The following TMEM132D variants were observed in gnomAD, a reference collection of about 807,000 sequenced individuals.
TMEM132D encodes mature OL transmembrane protein.
In TMEM132D, 21 loss-of-function variants were observed where a neutral mutation model predicts 62.3. The ratio of observed to expected loss-of-function variants is 0.34; its 90% CI spans 0.24 to 0.49. The LOEUF is 0.49. Ranked by LOEUF, TMEM132D falls within the 20% of genes least tolerant of loss-of-function variation. TMEM132D has a pLI of 0.99. For synonymous variants in TMEM132D, 621 were observed against 575.6 expected (o/e 1.08, Z -1.13); for missense variants, 1,346 against 1,402.8 (o/e 0.96, Z 0.65).
At chr12:129,242,114 C>A (rs1319675123) in intron 4 of TMEM132D, among the ~76,000 whole-genome samples, 4 of 152,186 alleles carry the variant, frequency 2.6e-5, no homozygotes, top group Non-Finnish European at 5.9e-5. Context: ...AGTCCCTAAA[C>A]CATAATGCCC....
intron 3 of TMEM132D, among the ~76,000 whole-genome samples, chr12:129,355,286 T>C (rs1037710754): frequency 6.6e-6 from 1 of 151,848 alleles, no homozygotes; most frequent in Non-Finnish European, 1.5e-5. Context: ...AACCTACCTG[T>C]ATGCTTTTTT....
At position 129,074,526 on chromosome 12, in the gene TMEM132D, G is replaced by A. The variant is rs111502893; in HGVS notation, c.2649C>T (p.Ser883=). 544 of 1,614,068 alleles carry A rather than the reference G, an allele frequency of 3.4e-4. 1 individual carries two copies. Among genetic ancestry groups the A allele is most frequent in the East Asian group, 1.0e-3 (45 of 44,862 alleles). The change falls in exon 9 of 9, where the codon AGC becomes AGT. Residue 883 remains serine (S), a synonymous_variant. Coordinates refer to ENST00000422113, the MANE Select transcript of TMEM132D (RefSeq NM_133448.3). ...DDNSHLQTIP[S]DLTSFPAQVD... is the part of the protein sequence containing the mutation. ...CCTGGGCTGGGAAGCTGGTGAGGTC[G>A]CTGGGGATGGTCTGCAAGTGGCTGT...
chr12:129,150,054 G>A (rs891436398), intron 5 of TMEM132D, among the ~76,000 whole-genome samples: 9 of 152,248 alleles, frequency 5.9e-5, no homozygotes, highest in African/African-American at 2.2e-4. Flanking sequence ...GATGGCAGCA[G>A]GCAGAAGCTG....
chr12:129,661,694 C>T (rs1217160425), intron 2 of TMEM132D, among the ~76,000 whole-genome samples: 1 of 152,154 alleles, frequency 6.6e-6, no homozygotes, highest in African/African-American at 2.4e-5. Context: ...TCTCCACCTA[C>T]AAAAATACAA....
intron 3 of TMEM132D, among the ~76,000 whole-genome samples, chr12:129,398,315 G>T (rs1325588551): frequency 6.6e-6 from 1 of 152,146 alleles, no homozygotes. Flanking sequence ...TGTGAAGCTT[G>T]TCACTTCATG....
intron 3 of TMEM132D, among the ~76,000 whole-genome samples, chr12:129,427,908 C>T (rs988395149): frequency 2.1e-5 from 3 of 145,592 alleles, no homozygotes; most frequent in Admixed American, 6.7e-5. Flanking sequence ...TGAGTTGATC[C>T]GAAACACCTT....
chr12:129,841,175 T>C (rs1360960450), intron 1 of TMEM132D, among the ~76,000 whole-genome samples: 1 of 152,176 alleles, frequency 6.6e-6, no homozygotes, highest in Non-Finnish European at 1.5e-5. Context: ...TTCTACTTTT[T>C]TAAAGCCTCA....
At chr12:129,825,238 G>C (rs1354862415) in intron 1 of TMEM132D, among the ~76,000 whole-genome samples, 8 of 151,056 alleles carry the variant, frequency 5.3e-5, no homozygotes, top group Non-Finnish European at 1.2e-4. Flanking sequence ...GGCTGGTCTT[G>C]AACTCCTGAC....
intron 5 of TMEM132D, among the ~76,000 whole-genome samples, chr12:129,105,990 C>T (rs1276435985): frequency 6.6e-6 from 1 of 151,726 alleles, no homozygotes; most frequent in Admixed American, 6.6e-5. Context: ...TGGCACTATT[C>T]ACGATAGCAA....
chr12:129,746,249 AG>A (rs1428381425), intron 1 of TMEM132D, among the ~76,000 whole-genome samples: 5 of 152,224 alleles, frequency 3.3e-5, no homozygotes, highest in Admixed American at 3.3e-4. Context: ...AAGACCTGAC[AG>A]GTAAAGAGTC....
chr12:129,455,105 G>T (rs569292500), intron 3 of TMEM132D, among the ~76,000 whole-genome samples: 6 of 152,344 alleles, frequency 3.9e-5, no homozygotes, highest in Middle Eastern at 3.4e-3. Context: ...TGCTGATTCT[G>T]GAAGGGAAAC....
intron 3 of TMEM132D, among the ~76,000 whole-genome samples, chr12:129,515,695 G>A (rs568895452): frequency 6.6e-6 from 1 of 152,210 alleles, no homozygotes; most frequent in East Asian, 1.9e-4. Flanking sequence ...ATATCTGAAG[G>A]CCAGGGGGAA....
rs563209579 is a variant in TMEM132D at position 129,464,028 on chromosome 12, T to C, written c.1115+67031A>G. On this transcript the variant is annotated intron_variant, in intron 3 of 8. Transcript: ENST00000422113. Reference sequence around the variant, plus strand: ...CTGGGTCAAACGGTATTTCTAGTTCTAGATCCTTGAGGAATCGCCACACTG... The same window carrying C: ...CTGGGTCAAACGGTATTTCTAGTTCCAGATCCTTGAGGAATCGCCACACTG... Among the ~76,000 whole-genome samples, 18 of 151,032 alleles carry C rather than the reference T, an allele frequency of 1.2e-4. No homozygotes were observed. The South Asian group carries it at 3.2e-3, about 27-fold the overall frequency.
rs568571674 is a variant in TMEM132D, at chr12:129,819,381, G to A, written c.79+83880C>T. ...AATAAATAAGATATACTAAAATATC[G>A]TAATACCATATACGATTTACTTTAG... On this transcript the variant is annotated intron_variant, in intron 1 of 8. Transcript: ENST00000422113. 2.1e-4 allele frequency among the ~76,000 whole-genome samples: 32 copies of A among 152,208 alleles called. 1 individual carries two copies. The highest frequency in any genetic ancestry group is 7.2e-4 in the African/African-American group (30 of 41,532).
intron 1 of TMEM132D, among the ~76,000 whole-genome samples, chr12:129,876,694 C>T (rs535843974): frequency 6.6e-6 from 1 of 152,322 alleles, no homozygotes; most frequent in Non-Finnish European, 1.5e-5. Context: ...CATTATCAGG[C>T]TCTCTGGGGT....
chr12:129,704,499 G>A (rs1440462046), intron 1 of TMEM132D, among the ~76,000 whole-genome samples: 1 of 152,178 alleles, frequency 6.6e-6, no homozygotes. Context: ...GACAGTGATG[G>A]GGGCAGGAGG....
intron 1 of TMEM132D, among the ~76,000 whole-genome samples, chr12:129,758,866 G>C (rs548835910): frequency 6.6e-6 from 1 of 152,062 alleles, no homozygotes; most frequent in Non-Finnish European, 1.5e-5. Flanking sequence ...TAATTTTATA[G>C]AGGTACAAAC....
intron 1 of TMEM132D, among the ~76,000 whole-genome samples, chr12:129,866,543 G>A (rs1245788691): frequency 1.3e-5 from 2 of 151,584 alleles, no homozygotes; most frequent in Admixed American, 6.6e-5. Flanking sequence ...GTATACATAT[G>A]TAACAAACCC....
At chr12:129,789,397 G>A (rs1871336729) in intron 1 of TMEM132D, among the ~76,000 whole-genome samples, 1 of 152,158 alleles carries the variant, frequency 6.6e-6, no homozygotes. Context: ...AGGAAAAGAA[G>A]CCATTATGTG....
Sources: gnomAD v4.1 joint callset for allele counts (sites outside exome capture counted in the v4.1 genomes callset) on GRCh38, gnomAD v4.1.1 for gene constraint, MANE v1.5 for transcripts, NCBI Gene and HGNC (gene_info 2026-07-23, HGNC 2026-07-21) for gene names.